SDK1: variants seen among roughly 807,000 people sequenced by gnomAD.
SDK1 encodes sidekick cell adhesion molecule 1, also known as protein sidekick-1.
In SDK1, 157 loss-of-function variants were observed where a neutral mutation model predicts 245.5. The ratio of observed to expected loss-of-function variants is 0.64; its 90% CI spans 0.56 to 0.73. The LOEUF is 0.73. SDK1 is among the 30% of genes least tolerant of loss of function. The pLI is 0.00. For synonymous variants in SDK1, 1,647 were observed against 1,278.5 expected (o/e 1.29, Z -6.15); for missense variants, 3,583 against 3,002.3 (o/e 1.19, Z -4.52).
chr7:3,833,883 ATCCTATTCACC>A (rs1779971259), intron 5 of SDK1, among the ~76,000 whole-genome samples: 1 of 152,194 alleles, frequency 6.6e-6, no homozygotes, highest in Admixed American at 6.5e-5. Flanking sequence ...GATGACCTGG[ATCCTATTCACC>A]TCTTCAGTTT....
intron 1 of SDK1, among the ~76,000 whole-genome samples, chr7:3,467,629 A>T (rs1412040274): frequency 2.0e-5 from 3 of 152,074 alleles, no homozygotes; most frequent in Admixed American, 6.5e-5. Context: ...TATGTTTTGC[A>T]GCTATTAAAT....
At chr7:3,646,738 T>C (rs945130828) in intron 4 of SDK1, among the ~76,000 whole-genome samples, 1 of 152,216 alleles carries the variant, frequency 6.6e-6, no homozygotes, top group Non-Finnish European at 1.5e-5. Flanking sequence ...TGAAAAGACA[T>C]GGATTAACCT....
chr7:3,550,893 C>T, intron 1 of SDK1, among the ~76,000 whole-genome samples: 1 of 152,032 alleles, frequency 6.6e-6, no homozygotes, highest in East Asian at 1.9e-4. Context: ...GCTGTGGAGC[C>T]TAGTTGAAAT....
At chr7:3,583,041 A>G (rs984924477) in intron 1 of SDK1, among the ~76,000 whole-genome samples, 8 of 152,198 alleles carry the variant, frequency 5.3e-5, no homozygotes, top group Non-Finnish European at 2.9e-5. Context: ...CTAGTCCTAA[A>G]TGCAGAGGGC....
chr7:3,366,359 T>A (rs1051544168), intron 1 of SDK1, among the ~76,000 whole-genome samples: 2 of 152,116 alleles, frequency 1.3e-5, no homozygotes, highest in African/African-American at 2.4e-5. Flanking sequence ...TTTCTTTTTT[T>A]TTTTATTTCA....
At chr7:3,483,013 T>G (rs1781566039) in intron 1 of SDK1, among the ~76,000 whole-genome samples, 1 of 152,178 alleles carries the variant, frequency 6.6e-6, no homozygotes, top group Admixed American at 6.5e-5. Context: ...ATCACACCAG[T>G]TTAATTAACA....
intron 4 of SDK1, among the ~76,000 whole-genome samples, chr7:3,675,786 C>T (rs10227622): frequency 0.038 from 5,758 of 152,208 alleles, 360 homozygotes; most frequent in African/African-American, 0.13. Context: ...ACCTTGGCCT[C>T]CCAAAGTTCT....
At chr7:3,354,296 C>T (rs1356433765) in intron 1 of SDK1, among the ~76,000 whole-genome samples, 3 of 151,576 alleles carry the variant, frequency 2.0e-5, no homozygotes, top group Admixed American at 6.6e-5. Context: ...GACCATTTTT[C>T]ATTTAACCAG....
chr7:3,600,551 G>GTTTTT (rs368644982), intron 1 of SDK1, among the ~76,000 whole-genome samples: 26 of 109,038 alleles, frequency 2.4e-4, no homozygotes, highest in Non-Finnish European at 3.9e-4. Flanking sequence ...ATTAGATGTA[G>GTTTTT]TTTTTTTTTT....
In SDK1 at chr7:3,697,486, A is replaced by G. The variant is rs576208421; in HGVS notation, c.713+55381A>G. 3.3e-5 allele frequency among the ~76,000 whole-genome samples: 5 copies of G among 152,346 alleles called. No individual in the cohort carries two copies. In the East Asian group the frequency reaches 9.6e-4, roughly 29 times the overall value. ...TTAGAAGTTGGTGCGAGGCCTTGAA[A>G]AAGGTTTCCTGTTTGTTGCTAAGAC... On this transcript the variant is annotated intron_variant, in intron 4 of 44. Transcript: ENST00000404826.
intron 1 of SDK1, among the ~76,000 whole-genome samples, chr7:3,322,731 C>T (rs947995080): frequency 6.6e-6 from 1 of 152,168 alleles, no homozygotes; most frequent in East Asian, 1.9e-4. Flanking sequence ...GTTTCACATG[C>T]CACTTTCAGA....
chr7:3,585,712 A>G (rs1780664846), intron 1 of SDK1, among the ~76,000 whole-genome samples: 1 of 152,062 alleles, frequency 6.6e-6, no homozygotes, highest in Non-Finnish European at 1.5e-5. Flanking sequence ...GGGAGGGAAG[A>G]AGGGTGGTTG....
At chr7:3,742,354 ATAAAATTTTCCTTG>A (rs1779501693) in intron 4 of SDK1, among the ~76,000 whole-genome samples, 1 of 152,124 alleles carries the variant, frequency 6.6e-6, no homozygotes, top group South Asian at 2.1e-4. Context: ...TGCCTGAAAC[ATAAAATTTTCCTTG>A]TGAACGTGTT....
At chr7:3,684,708 C>T (rs1358989793) in intron 4 of SDK1, among the ~76,000 whole-genome samples, 2 of 151,654 alleles carry the variant, frequency 1.3e-5, no homozygotes, top group African/African-American at 2.4e-5. Context: ...TATTTTAAAG[C>T]AGCTAGTCAT....
At chr7:3,907,034 A>C (rs1427209428) in intron 5 of SDK1, among the ~76,000 whole-genome samples, 1 of 152,136 alleles carries the variant, frequency 6.6e-6, no homozygotes, top group Non-Finnish European at 1.5e-5. Flanking sequence ...CTAGAATCTT[A>C]CGTCCTTGTA....
chr7:3,663,365 G>A (rs1776259184), intron 4 of SDK1, among the ~76,000 whole-genome samples: 4 of 152,176 alleles, frequency 2.6e-5, no homozygotes, highest in African/African-American at 9.7e-5. Context: ...CATAGTATCT[G>A]TTCCCTTCTG....
intron 5 of SDK1, among the ~76,000 whole-genome samples, chr7:3,822,804 T>C (rs576335656): frequency 4.8e-4 from 71 of 149,472 alleles, no homozygotes; most frequent in Non-Finnish European, 3.6e-4. Context: ...GTATGTGGGA[T>C]GGAGTGATAG....
chr7:3,400,561 T>G (rs932178512), intron 1 of SDK1, among the ~76,000 whole-genome samples: 1 of 152,154 alleles, frequency 6.6e-6, no homozygotes, highest in African/African-American at 2.4e-5. Flanking sequence ...ACACAGTATT[T>G]GTATTACACA....
chr7:4,024,718 C>T (rs1047333401), intron 17 of SDK1, among the ~76,000 whole-genome samples: 1 of 152,190 alleles, frequency 6.6e-6, no homozygotes, highest in African/African-American at 2.4e-5. Context: ...CTCACTTTCC[C>T]AAGGTGATAT....
Sources: allele counts gnomAD v4.1 joint callset (sites outside exome capture counted in the v4.1 genomes callset), GRCh38; gene constraint gnomAD v4.1.1; transcripts MANE v1.5; gene names NCBI Gene and HGNC (gene_info 2026-07-23, HGNC 2026-07-21).